Variants in TLR3 observed in about 807,000 individuals in gnomAD.
TLR3 encodes toll-like receptor 3.
Under a neutral mutation model 66.4 loss-of-function variants are expected in TLR3, and 43 were observed. The observed-to-expected ratio is 0.65, with a 90% CI of 0.51 to 0.83. The LOEUF is 0.83. Among genes scored for constraint, TLR3 ranks in the 40% least tolerant of loss-of-function variants. TLR3 has a pLI of 0.00. For missense variants in TLR3, 982 were observed against 1,044.6 expected, an observed-to-expected ratio of 0.94 and a Z score of 0.83; for synonymous variants, 397 against 397.2, an observed-to-expected ratio of 1.00 and a Z score of 0.01.
chr4:186,079,158 T>C, intron 3 of TLR3, 127 bp downstream of exon 3: 9 of 903,706 alleles, frequency 1.0e-5, no homozygotes, highest in Non-Finnish European at 1.5e-5. Flanking sequence ...TCCCACCTAC[T>C]GCTTGGGGGC....
In TLR3 at chr4:186,087,579, C is replaced by T. The variant is rs1168046827; in HGVS notation, c.*2706C>T. 1.3e-5 allele frequency: 2 copies of T among 152,184 alleles called. No individual in the cohort carries two copies. The highest frequency in any genetic ancestry group is 2.9e-5 in the Non-Finnish European group (2 of 68,048). The allele number at this position is 152,184 out of a possible 1,614,324, so 9.4% of individuals were successfully genotyped here. On this transcript the variant is annotated 3_prime_UTR_variant, in exon 5 of 5. Coordinates refer to ENST00000296795, the MANE Select transcript of TLR3 (RefSeq NM_003265.3). ...AAAACAAAACCCAACTGAATCGACA[C>T]TGAGTTTAAAATAAATCTTGGTATT...
At position 186,078,850 on chromosome 4, in the gene TLR3, C is replaced by T. The variant is rs908033842; in HGVS notation, c.452C>T (p.Thr151Ile). 2.0e-5 allele frequency: 32 copies of T among 1,613,872 alleles called. No homozygotes were observed. Among genetic ancestry groups the T allele is most frequent in the Non-Finnish European group, 2.3e-5 (27 of 1,179,862 alleles). The change falls in exon 3 of 5, where the codon ACA becomes ATA. Residue 151 changes from threonine (T) to isoleucine (I), a missense_variant. Physicochemically the swap from Thr to Ile is moderately conservative, Grantham distance 89. Coordinates refer to ENST00000296795, the MANE Select transcript of TLR3 (RefSeq NM_003265.3). Reference protein sequence around the residue: ...NPFVKQKNLITLDLSHNGLSS... With the variant: ...NPFVKQKNLIILDLSHNGLSS... ...ATTTTTTCCCTTCAGAATTTAATCA[C>T]ATTAGATCTGTCTCATAATGGCTTG...
rs1325478007 is a variant in TLR3, at chr4:186,082,801, G to A, written c.1115G>A (p.Ser372Asn). The A allele has an allele frequency of 4.3e-6, 7 of 1,614,096 alleles. No individual in the cohort carries two copies. In the South Asian group the frequency reaches 6.6e-5, roughly 15 times the overall value. Residue 372 changes from serine (S) to asparagine (N), a missense_variant, in exon 4 of 5, where the codon AGC (serine) becomes AAC (asparagine). Coordinates refer to ENST00000296795, the MANE Select transcript of TLR3 (RefSeq NM_003265.3). ...MEDNDIPGIK[S>N]NMFTGLINLK... is the part of the protein sequence containing the mutation. ...GATAATGATATTCCAGGCATAAAAAGCAATATGTTCACAGGATTGATAAAC... is the reference window on the plus strand; with the variant it reads ...GATAATGATATTCCAGGCATAAAAAACAATATGTTCACAGGATTGATAAAC...
Position 186,085,797 on chromosome 4 carries a change from T to C in TLR3, c.*924T>C, listed in dbSNP as rs1478706740. 1 of 152,200 alleles carries C rather than the reference T, an allele frequency of 6.6e-6. No individual in the cohort carries two copies. Among genetic ancestry groups the C allele is most frequent in the East Asian group, 1.9e-4 (1 of 5,202 alleles). 9.4% of individuals were successfully genotyped at this position (152,200 alleles called of 1,614,324 possible). A position where few individuals can be genotyped will look rare whatever the true frequency, so the allele number is the denominator to read the frequency against. Reference sequence around the variant, plus strand: ...AATGTATTATTTTACCATAAAATAATGTGCTACGCATAAGGTAGTCCTTAT... The same window carrying C: ...AATGTATTATTTTACCATAAAATAACGTGCTACGCATAAGGTAGTCCTTAT... On this transcript the variant is annotated 3_prime_UTR_variant, in exon 5 of 5. Transcript: ENST00000296795.
At chr4:186,069,899 T>G (rs2099301148) in intron 1 of TLR3, among the ~76,000 whole-genome samples, 1 of 152,346 alleles carries the variant, frequency 6.6e-6, no homozygotes. Flanking sequence ...GGTTTACAGA[T>G]GATTACGTGC....
At chr4:186,072,501 C>T (rs114119182) in intron 1 of TLR3, among the ~76,000 whole-genome samples, 4,611 of 152,164 alleles carry the variant, frequency 0.03, 133 homozygotes, top group Middle Eastern at 0.12. Flanking sequence ...AGTAGAGACA[C>T]GGTTACACCA....
intron 2 of TLR3, among the ~76,000 whole-genome samples, chr4:186,077,909 A>C (rs571291015): frequency 1.8e-4 from 28 of 152,260 alleles, no homozygotes; most frequent in African/African-American, 6.0e-4. Context: ...AGCGATTTTC[A>C]AGTTACTTCA....
chr4:186,080,103 C>T (rs773320821), intron 3 of TLR3, among the ~76,000 whole-genome samples: 2 of 152,084 alleles, frequency 1.3e-5, no homozygotes, highest in Non-Finnish European at 2.9e-5. Flanking sequence ...TAGGACTCTG[C>T]ATTTTCACAT....
At chr4:186,077,125 T>A in intron 2 of TLR3, 65 bp downstream of exon 2, 1 of 1,472,266 alleles carries the variant, frequency 6.8e-7, no homozygotes, top group Non-Finnish European at 9.3e-7. Context: ...AGACTTACTA[T>A]CTAAATATCA....
At position 186,076,978 on chromosome 4, in the gene TLR3, C is replaced by T. The variant is rs1232543008; in HGVS notation, c.359C>T (p.Ala120Val). 6.2e-7 allele frequency: 1 copy of T among 1,614,136 alleles called. No homozygotes were observed. Among genetic ancestry groups the T allele is most frequent in the African/African-American group, 1.3e-5 (1 of 75,032 alleles). Residue 120 changes from alanine (A) to valine (V), a missense_variant, in exon 2 of 5, where the codon GCC (alanine) becomes GTC (valine). By Grantham distance (64) the Ala-to-Val change is moderately conservative. Coordinates refer to ENST00000296795, the MANE Select transcript of TLR3 (RefSeq NM_003265.3). ...TCTCAACTTTCTGATAAAACCTTTGCCTTCTGCACGAATTTGACTGAACTC... is the reference window on the plus strand; with the variant it reads ...TCTCAACTTTCTGATAAAACCTTTGTCTTCTGCACGAATTTGACTGAACTC... ...ELSQLSDKTF[A>V]FCTNLTELHL...
rs1266773017 is a variant in TLR3 at position 186,083,943 on chromosome 4, C to A, written c.2257C>A (p.Gln753Lys). ...GFKEIDRQTE[Q>K]FEYAAYIIHA... The stretch of plus-strand genomic sequence containing the variant: ...CAAAGAAATAGACAGACAGACAGAA[C>A]AGTTTGAATATGCAGCATATATAAT... Residue 753 changes from glutamine (Q) to lysine (K), a missense_variant, in exon 4 of 5, where the codon CAG (glutamine) becomes AAG (lysine). Transcript: ENST00000296795. This position sits in a 1 kb window ranked among gnomAD's most constrained non-coding sequence, Gnocchi z 4.0. The A allele has an allele frequency of 5.6e-6, 9 of 1,613,960 alleles. No homozygotes were observed. Among genetic ancestry groups the A allele is most frequent in the Non-Finnish European group, 7.6e-6 (9 of 1,180,030 alleles).
In TLR3 at chr4:186,084,819, T is replaced by A. The variant is rs760093163; in HGVS notation, c.2661T>A (p.Gly887=). 2 of 1,614,058 alleles carry A rather than the reference T, an allele frequency of 1.2e-6. No homozygotes were observed. Among genetic ancestry groups the A allele is most frequent in the Non-Finnish European group, 1.7e-6 (2 of 1,179,988 alleles). ...GGCCAGTTCAGAAAGAACGGATAGG[T>A]GCCTTTCGTCATAAATTGCAAGTAG... is the stretch of plus-strand genomic sequence containing the variant. ...LNWPVQKERI[G]AFRHKLQVAL... is the part of the protein sequence containing the mutation. The change falls in exon 5 of 5, where the codon GGT becomes GGA. Residue 887 remains glycine (G), a synonymous_variant. Coordinates refer to ENST00000296795, the MANE Select transcript of TLR3 (RefSeq NM_003265.3).
In TLR3 at chr4:186,087,281, C is replaced by T. The variant is rs2099304513; in HGVS notation, c.*2408C>T. On this transcript the variant is annotated 3_prime_UTR_variant, in exon 5 of 5. Coordinates refer to ENST00000296795, the MANE Select transcript of TLR3 (RefSeq NM_003265.3). ...GGTTAAGATGCACAGGTAATGACCT[C>T]TAAATGAATGCCAATAAAAATAGTA... 1 of 152,124 alleles carries T rather than the reference C, an allele frequency of 6.6e-6. No individual in the cohort carries two copies. The highest frequency in any genetic ancestry group is 2.1e-4 in the South Asian group (1 of 4,820). 9.4% of individuals were successfully genotyped at this position (152,124 alleles called of 1,614,324 possible).
Position 186,084,783 on chromosome 4 carries a change from C to A in TLR3, c.2625C>A (p.Cys875Ter). The A allele has an allele frequency of 3.7e-6, 6 of 1,614,100 alleles. No individual in the cohort carries two copies. The highest frequency in any genetic ancestry group is 5.1e-6 in the Non-Finnish European group (6 of 1,179,986). The change falls in exon 5 of 5, where the codon TGC becomes TGA. Residue 875 changes from cysteine (C) to a stop codon, truncating the protein, a stop_gained. Transcript: ENST00000296795. LOFTEE classifies it high-confidence loss of function. ...GAAGAGGAATGTTTAAATCTCACTG[C>A]ATCTTGAACTGGCCAGTTCAGAAAG... ...CLRRGMFKSH[C>*]ILNWPVQKER...
At chr4:186,080,481 G>A (rs531245559) in intron 3 of TLR3, among the ~76,000 whole-genome samples, 107 of 152,132 alleles carry the variant, frequency 7.0e-4, no homozygotes, top group South Asian at 5.0e-3. Flanking sequence ...AATTCTTACT[G>A]TACTGAAATT....
At position 186,082,612 on chromosome 4, in the gene TLR3, A is replaced by G. The variant is rs1348403558; in HGVS notation, c.926A>G (p.Asn309Ser). Residue 309 changes from asparagine (N) to serine (S), a missense_variant, in exon 4 of 5, where the codon AAT becomes AGT. Asn to Ser is a conservative substitution (Grantham distance 46). This residue lies in a region of TLR3 where 666 missense variants were observed against 709.0 expected (regional missense o/e 0.94). Coordinates refer to ENST00000296795, the MANE Select transcript of TLR3 (RefSeq NM_003265.3). ...GAATATTTCTTCCTAGAGTATAATAATATACAGCATTTGTTTTCTCACTCT... is the reference window on the plus strand; with the variant it reads ...GAATATTTCTTCCTAGAGTATAATAGTATACAGCATTTGTTTTCTCACTCT... The part of the protein sequence containing the change: ...QLEYFFLEYN[N>S]IQHLFSHSLH... 6.2e-7 allele frequency: 1 copy of G among 1,614,136 alleles called. No individual in the cohort carries two copies.
At chr4:186,076,270 G>A (rs2150066169) in intron 1 of TLR3, among the ~76,000 whole-genome samples, 1 of 152,274 alleles carries the variant, frequency 6.6e-6, no homozygotes, top group Non-Finnish European at 1.5e-5. Flanking sequence ...AGTGAAATGA[G>A]TAAATGAAGA....
At chr4:186,078,531 A>G (rs2099302845) in intron 2 of TLR3, among the ~76,000 whole-genome samples, 1 of 152,198 alleles carries the variant, frequency 6.6e-6, no homozygotes, top group Non-Finnish European at 1.5e-5. Context: ...AAGTTCATAA[A>G]TTAGCAATGT....
chr4:186,083,953 A>G lies in TLR3; in HGVS notation c.2267A>G (p.Tyr756Cys). ...EIDRQTEQFEYAAYIIHAYKD... is the reference protein window; with the variant it reads ...EIDRQTEQFECAAYIIHAYKD... ...GACAGACAGACAGAACAGTTTGAAT[A>G]TGCAGCATATATAATTCATGCCTAT... Residue 756 changes from tyrosine (Y) to cysteine (C), a missense_variant, in exon 4 of 5, where the codon TAT becomes TGT. Physicochemically the swap from Tyr to Cys is radical, Grantham distance 194. Around this residue, in one of 3 missense-constraint regions of TLR3, gnomAD observed 666 missense variants for 709.0 expected, o/e 0.94. Transcript: ENST00000296795. This position sits in a 1 kb window ranked among gnomAD's most constrained non-coding sequence, Gnocchi z 4.0. 1 of 1,614,172 alleles carries G rather than the reference A, an allele frequency of 6.2e-7. No individual in the cohort carries two copies. The highest frequency in any genetic ancestry group is 8.5e-7 in the Non-Finnish European group (1 of 1,180,030).
Sources: allele counts gnomAD v4.1 joint callset (sites outside exome capture counted in the v4.1 genomes callset), GRCh38; gene constraint gnomAD v4.1.1; regional missense constraint gnomAD v4.1.1; non-coding constraint Gnocchi (gnomAD v3.1); transcripts MANE v1.5; gene names NCBI Gene and HGNC (gene_info 2026-07-23, HGNC 2026-07-21).